EIF2B4: variants seen among roughly 807,000 people sequenced by gnomAD.
EIF2B4 encodes translation initiation factor eIF2B subunit delta.
EIF2B4 carries 34 observed loss-of-function variants against 66.7 expected under a neutral mutation model. The ratio of observed to expected loss-of-function variants is 0.51; its 90% confidence interval spans 0.39 to 0.68. EIF2B4 has a LOEUF of 0.68. Among genes scored for constraint, EIF2B4 ranks in the 30% least tolerant of loss-of-function variants. EIF2B4 has a pLI of 0.00. For synonymous variants in EIF2B4, 278 were observed against 253.6 expected (o/e 1.10, Z -0.92); for missense variants, 618 against 657.9 (o/e 0.94, Z 0.66).
chr2:27,366,583 G>T (rs1458108437), intron 11 of EIF2B4, 176 bp downstream of exon 11: 9 of 723,744 alleles, frequency 1.2e-5, no homozygotes, highest in Non-Finnish European at 1.7e-5. Flanking sequence ...AGAGGCGGAG[G>T]TGGGAAGATC....
intron 1 of EIF2B4, 29 bp from the exon 2 acceptor site, chr2:27,369,948 G>C (rs2148383023): frequency 6.4e-7 from 1 of 1,568,026 alleles, no homozygotes; most frequent in Non-Finnish European, 8.6e-7. Flanking sequence ...CACAAAGTGA[G>C]CCAGAGAGAC....
At position 27,367,467 on chromosome 2, in the gene EIF2B4, C is replaced by T. The variant is rs758251555; in HGVS notation, c.875G>A (p.Arg292Gln). Residue 292 changes from arginine to glutamine, a missense_variant, in exon 9 of 13, where the codon CGG becomes CAG. Physicochemically the swap from Arg to Gln is conservative, Grantham distance 43. Coordinates refer to ENST00000347454, the MANE Select transcript of EIF2B4 (RefSeq NM_001034116.2). ...TCTCATACTCATCACCTCCTCTTCC[C>T]GCTTGGAACTGCCCACACTGGTGAT... is the stretch of plus-strand genomic sequence containing the variant. ...KEITSVGSSK[R>Q]EEEAKSELRA... The T allele has an allele frequency of 5.0e-6, 8 of 1,613,980 alleles. No homozygotes were observed. The highest frequency in any genetic ancestry group is 1.6e-4 in the Middle Eastern group (1 of 6,084).
Position 27,367,550 on chromosome 2 carries a change from A to C in EIF2B4, c.792T>G (p.Thr264=). 1 of 1,614,154 alleles carries C rather than the reference A, an allele frequency of 6.2e-7. No individual in the cohort carries two copies. The highest frequency in any genetic ancestry group is 8.5e-7 in the Non-Finnish European group (1 of 1,180,024). ...NKLKPYMSFL[T]QCRPLSASMH... is the part of the protein sequence containing the mutation. ...TGCTCGCTGACAGGGGACGGCACTG[A>C]GTCAGGAAGCTATAATACAACAGCA... The change falls in exon 9 of 13, where the codon ACT becomes ACG. Residue 264 remains threonine (T), a synonymous_variant. Coordinates refer to ENST00000347454, the MANE Select transcript of EIF2B4 (RefSeq NM_001034116.2).
intron 1 of EIF2B4, 140 bp from the exon 2 acceptor site, chr2:27,370,059 T>C (rs373745706): frequency 1.4e-4 from 210 of 1,506,376 alleles, no homozygotes; most frequent in South Asian, 8.5e-4. Context: ...GGGATCCGCG[T>C]GGGGACGCAC....
In EIF2B4 at chr2:27,367,564, A is replaced by G; in HGVS notation, c.783-5T>C. 1 of 1,614,050 alleles carries G rather than the reference A, an allele frequency of 6.2e-7. No homozygotes were observed. The highest frequency in any genetic ancestry group is 8.5e-7 in the Non-Finnish European group (1 of 1,179,948). Reference sequence around the variant, plus strand: ...GGACGGCACTGAGTCAGGAAGCTATAATACAACAGCAATACCTTATATCTG... The same window carrying G: ...GGACGGCACTGAGTCAGGAAGCTATGATACAACAGCAATACCTTATATCTG... On this transcript the variant is annotated splice_region_variant and splice_polypyrimidine_tract_variant and intron_variant, in intron 8 of 12. Coordinates refer to ENST00000347454, the MANE Select transcript of EIF2B4 (RefSeq NM_001034116.2).
chr2:27,370,001 G>T, intron 1 of EIF2B4, 82 bp from the exon 2 acceptor site: 1 of 1,535,206 alleles, frequency 6.5e-7, no homozygotes, highest in Non-Finnish European at 8.8e-7. Context: ...GCAGCCGGCT[G>T]CTGGGTTGGC....
chr2:27,368,929 A>C lies in EIF2B4; in HGVS notation c.418+77T>G, dbSNP rs944140079. The C allele has an allele frequency of 1.4e-5, 22 of 1,559,742 alleles. No individual in the cohort carries two copies. The Admixed American group carries it at 3.5e-4, about 25-fold the overall frequency. On this transcript the variant is annotated intron_variant, in intron 4 of 12. Transcript: ENST00000347454. ...CTGGGTCCCAAGAATGAGAGGGGAG[A>C]GCTGTTTTACTATTGGGCAGCCTGA... is the stretch of plus-strand genomic sequence containing the variant.
chr2:27,368,164 C>T, intron 6 of EIF2B4, 25 bp from the exon 7 acceptor site: 1 of 1,554,402 alleles, frequency 6.4e-7, no homozygotes, highest in Non-Finnish European at 8.7e-7. Context: ...GTGTCACATA[C>T]TTTGAAAGGG....
chr2:27,368,388 G>T lies in EIF2B4; in HGVS notation c.574C>A (p.Leu192Met). The T allele has an allele frequency of 6.2e-7, 1 of 1,613,778 alleles. No homozygotes were observed. The highest frequency in any genetic ancestry group is 1.1e-5 in the South Asian group (1 of 91,058). Reference protein sequence around the residue: ...HLPQYSRQNSLTQFMSIPSSV... With the variant: ...HLPQYSRQNSMTQFMSIPSSV... The stretch of plus-strand genomic sequence containing the variant: ...GGATCCTACCTCATAAACTGGGTCA[G>T]AGAGTTTTGTCTGCTGTACTGGGGT... The change falls in exon 6 of 13, where the codon CTG (leucine) becomes ATG (methionine). Residue 192 changes from leucine to methionine, a missense_variant. Leu to Met is a conservative substitution (Grantham distance 15). Coordinates refer to ENST00000347454, the MANE Select transcript of EIF2B4 (RefSeq NM_001034116.2).
In EIF2B4 at chr2:27,367,566, T is replaced by C. The variant is rs766314579; in HGVS notation, c.783-7A>G. Reference sequence around the variant, plus strand: ...ACGGCACTGAGTCAGGAAGCTATAATACAACAGCAATACCTTATATCTGCG... The same window carrying C: ...ACGGCACTGAGTCAGGAAGCTATAACACAACAGCAATACCTTATATCTGCG... On this transcript the variant is annotated splice_region_variant and splice_polypyrimidine_tract_variant and intron_variant, in intron 8 of 12. Transcript: ENST00000347454. 6.2e-6 allele frequency: 10 copies of C among 1,613,876 alleles called. No homozygotes were observed. The highest frequency in any genetic ancestry group is 1.3e-5 in the African/African-American group (1 of 74,924).
chr2:27,369,250 C>T, intron 3 of EIF2B4, 38 bp from the exon 4 acceptor site: 1 of 1,606,654 alleles, frequency 6.2e-7, no homozygotes, highest in Non-Finnish European at 8.5e-7. Flanking sequence ...AAGCTGCAGG[C>T]AGGTGATATC....
chr2:27,367,400 CAT>C lies in EIF2B4; in HGVS notation c.885+55_885+56del, dbSNP rs544086994. 1.0e-3 allele frequency: 1,603 copies of C among 1,609,110 alleles called. 1 individual carries two copies. Among genetic ancestry groups the C allele is most frequent in the Non-Finnish European group, 1.3e-3 (1,485 of 1,175,706 alleles). On this transcript the variant is annotated intron_variant, in intron 9 of 12. Transcript: ENST00000347454. ...CGTTGGCCTTCCCGGGAGTTTTTAACATGTTTCTTAATTTTACCCACAGGTGC... is the reference window on the plus strand; with the variant it reads ...CGTTGGCCTTCCCGGGAGTTTTTAACGTTTCTTAATTTTACCCACAGGTGC...
chr2:27,368,002 A>C, intron 7 of EIF2B4, 23 bp downstream of exon 7: 1 of 1,562,052 alleles, frequency 6.4e-7, no homozygotes, highest in Non-Finnish European at 8.7e-7. Context: ...TTGGATCATA[A>C]GAGAGAACAG....
At chr2:27,369,954 G>A in intron 1 of EIF2B4, 35 bp from the exon 2 acceptor site, 1 of 1,560,822 alleles carries the variant, frequency 6.4e-7, no homozygotes, top group Non-Finnish European at 8.7e-7. Flanking sequence ...GTGAGCCAGA[G>A]AGACTCCGGG....
rs1300192704 is a variant in EIF2B4 at position 27,370,336 on chromosome 2, C to T, written c.-22G>A. 6.5e-7 allele frequency: 1 copy of T among 1,541,866 alleles called. No homozygotes were observed. The highest frequency in any genetic ancestry group is 8.7e-7 in the Non-Finnish European group (1 of 1,146,672). On this transcript the variant is annotated 5_prime_UTR_variant, in exon 1 of 13. Coordinates refer to ENST00000347454, the MANE Select transcript of EIF2B4 (RefSeq NM_001034116.2). ...CCATCGCCCTCAGTCCTAGGCTCCG[C>T]CCGCCGTGGTCACGGAGCCGCCCCG...
At chr2:27,366,714 C>T in intron 11 of EIF2B4, 45 bp downstream of exon 11, 2 of 1,606,800 alleles carry the variant, frequency 1.2e-6, no homozygotes, top group South Asian at 1.1e-5. Context: ...TATACTACTA[C>T]ACCTTTTCAC....
Position 27,369,520 on chromosome 2 carries a change from T to C in EIF2B4, c.105A>G (p.Glu35=), listed in dbSNP as rs767281618. Residue 35 remains glutamate (E), a synonymous_variant, in exon 3 of 13, where the codon GAA becomes GAG. Coordinates refer to ENST00000347454, the MANE Select transcript of EIF2B4 (RefSeq NM_001034116.2). ...GAVGREMTKE[E]KLQLRKEKKQ... Reference sequence around the variant, plus strand: ...TCTTTTCCTTCCGAAGCTGCAGCTTTTCTTCTTTGGTCATTTCCCTCCCCA... The same window carrying C: ...TCTTTTCCTTCCGAAGCTGCAGCTTCTCTTCTTTGGTCATTTCCCTCCCCA... The C allele has an allele frequency of 6.2e-7, 1 of 1,614,182 alleles. No homozygotes were observed. Among genetic ancestry groups the C allele is most frequent in the Non-Finnish European group, 8.5e-7 (1 of 1,180,030 alleles).
At chr2:27,365,255 G>A (rs1053848091) in intron 11 of EIF2B4, among the ~76,000 whole-genome samples, 9 of 151,846 alleles carry the variant, frequency 5.9e-5, no homozygotes, top group African/African-American at 2.2e-4. Context: ...TAGTAGAGAC[G>A]GGGTTTCTCC....
chr2:27,366,578 C>T (rs1367925946), intron 11 of EIF2B4, 181 bp downstream of exon 11: 9 of 703,794 alleles, frequency 1.3e-5, no homozygotes, highest in Non-Finnish European at 1.8e-5. Context: ...TACTCAGAGG[C>T]GGAGGTGGGA....
Sources: allele counts gnomAD v4.1 joint callset (sites outside exome capture counted in the v4.1 genomes callset), GRCh38; gene constraint gnomAD v4.1.1; transcripts MANE v1.5; gene names NCBI Gene and HGNC (gene_info 2026-07-23, HGNC 2026-07-21).